ZNF875: variants seen among roughly 807,000 people sequenced by gnomAD.
The protein encoded by ZNF875 is zinc finger protein 875, also known as HKR1, GLI-Kruppel zinc finger family member.
ZNF875 carries 14 observed loss-of-function variants against 11.2 expected under a neutral mutation model. The observed-to-expected ratio is 1.26, with a 90% CI of 0.83 to 1.96. The LOEUF is 1.96. Ranked by LOEUF, ZNF875 falls within the 30% of genes most tolerant of loss-of-function variation. The probability of loss-of-function intolerance (pLI) is 0.00; values close to 1 mark genes in which losing one functional copy is unlikely to be tolerated. For missense variants in ZNF875, 752 were observed against 760.4 expected (o/e 0.99, Z 0.13); for synonymous variants, 301 against 281.1 (o/e 1.07, Z -0.71).
At position 37,362,408 on chromosome 19, in the gene ZNF875, C is replaced by G; in HGVS notation, c.556C>G (p.Pro186Ala). ...ALSSPPEEQQPAQSKEDNTVV... is the reference protein window; with the variant it reads ...ALSSPPEEQQAAQSKEDNTVV... Reference sequence around the variant, plus strand: ...TTCCAGCCCACCTGAAGAACAACAGCCAGCACAGTCCAAGGAAGACAACAC... The same window carrying G: ...TTCCAGCCCACCTGAAGAACAACAGGCAGCACAGTCCAAGGAAGACAACAC... The change falls in exon 5 of 5, where the codon CCA becomes GCA. Residue 186 changes from proline to alanine, a missense_variant. Physicochemically the swap from Pro to Ala is conservative, Grantham distance 27. Coordinates refer to ENST00000392153, the MANE Select transcript of ZNF875 (RefSeq NM_001353803.2). The G allele has an allele frequency of 6.2e-7, 1 of 1,614,138 alleles. No homozygotes were observed. Among genetic ancestry groups the G allele is most frequent in the South Asian group, 1.1e-5 (1 of 91,080 alleles).
intron 4 of ZNF875, chr19:37,358,054 T>C (rs1039319544): frequency 2.5e-5 from 10 of 397,706 alleles, no homozygotes; most frequent in Non-Finnish European, 3.5e-5. Flanking sequence ...GTTCCTTTGA[T>C]GCCTAGTTTG....
rs748535441 is a variant in ZNF875, at chr19:37,362,970, G to A, written c.1118G>A (p.Arg373His). ...CCTTATGTTTGCAGGGAATGTGGGC[G>A]TGGCTTTCGCCAGCATTCACACCTG... ...EKPYVCRECG[R>H]GFRQHSHLVR... Residue 373 changes from arginine to histidine, a missense_variant, in exon 5 of 5, where the codon CGT becomes CAT. Transcript: ENST00000392153. The A allele has an allele frequency of 1.9e-5, 30 of 1,614,006 alleles. No individual in the cohort carries two copies. The highest frequency in any genetic ancestry group is 4.5e-5 in the East Asian group (2 of 44,894).
intron 2 of ZNF875, 85 bp from the exon 3 acceptor site, chr19:37,347,105 C>G: frequency 6.3e-7 from 1 of 1,589,536 alleles, no homozygotes; most frequent in Non-Finnish European, 8.6e-7. Flanking sequence ...GCATGAACCA[C>G]CGGGCCTGGC....
chr19:37,336,180 T>TGAC (rs2034358199), intron 2 of ZNF875, among the ~76,000 whole-genome samples: 1 of 151,990 alleles, frequency 6.6e-6, no homozygotes, highest in African/African-American at 2.4e-5. Flanking sequence ...GTTTGTTAAG[T>TGAC]TGGAGATTGG....
intron 2 of ZNF875, chr19:37,344,830 G>A: frequency 8.9e-7 from 1 of 1,119,424 alleles, no homozygotes; most frequent in South Asian, 1.2e-5. Context: ...GCTCCTTCGT[G>A]GGAGATTTTC....
At chr19:37,321,825 T>C (rs1357001448) in intron 1 of ZNF875, among the ~76,000 whole-genome samples, 1 of 151,830 alleles carries the variant, frequency 6.6e-6, no homozygotes, top group Non-Finnish European at 1.5e-5. Flanking sequence ...AAGGGAGGAG[T>C]GGCAAGAAAT....
At chr19:37,353,111 TG>T (rs1476207193) in intron 4 of ZNF875, among the ~76,000 whole-genome samples, 1 of 152,110 alleles carries the variant, frequency 6.6e-6, no homozygotes, top group Non-Finnish European at 1.5e-5. Flanking sequence ...TGACCTCAAG[TG>T]ATCTGCCTGC....
At chr19:37,335,029 C>G (rs1568580822) in intron 1 of ZNF875, 140 bp from the exon 2 acceptor site, 2 of 566,088 alleles carry the variant, frequency 3.5e-6, no homozygotes, top group Non-Finnish European at 6.4e-6. Flanking sequence ...TCCTGGCCCC[C>G]CACTGGATGG....
intron 4 of ZNF875, among the ~76,000 whole-genome samples, chr19:37,353,404 C>T (rs10403613): frequency 0.21 from 31,590 of 152,044 alleles, 3,493 homozygotes; most frequent in South Asian, 0.31. Flanking sequence ...CCCAATACTA[C>T]AGTGTTAAAA....
Position 37,362,326 on chromosome 19 carries a change from A to T in ZNF875, c.474A>T (p.Gly158=). ...GCAAAGCAGAATGGATTCAAGAGGG[A>T]GAAGACTCCAGACTCCTGTTTGGGA... ...FSGKAEWIQE[G]EDSRLLFGRV... The change falls in exon 5 of 5, where the codon GGA becomes GGT. Residue 158 remains glycine, a synonymous_variant. Coordinates refer to ENST00000392153, the MANE Select transcript of ZNF875 (RefSeq NM_001353803.2). 4 of 1,614,094 alleles carry T rather than the reference A, an allele frequency of 2.5e-6. No individual in the cohort carries two copies. In the Admixed American group the frequency reaches 5.0e-5, roughly 20 times the overall value.
chr19:37,318,966 G>A (rs2030697075), intron 1 of ZNF875, among the ~76,000 whole-genome samples: 1 of 151,914 alleles, frequency 6.6e-6, no homozygotes, highest in East Asian at 1.9e-4. Context: ...TTTGGGGCAC[G>A]TATGTAGAGT....
At chr19:37,357,601 A>G (rs1216559008) in intron 4 of ZNF875, among the ~76,000 whole-genome samples, 1 of 152,074 alleles carries the variant, frequency 6.6e-6, no homozygotes, top group Middle Eastern at 3.2e-3. Flanking sequence ...TCGTGTGGCT[A>G]TTGTAAATGG....
rs386388968 is a variant in ZNF875, at chr19:37,340,644, C to CTTT, written c.33+5407_33+5409dup. Among the ~76,000 whole-genome samples the CTTT allele has an allele frequency of 7.1e-3, 740 of 104,684 alleles. 38 individuals carry two copies. Among genetic ancestry groups the CTTT allele is most frequent in the East Asian group, 0.047 (161 of 3,452 alleles). The allele number at this position is 104,684 out of a possible 152,430, so 68.7% of individuals were successfully genotyped here. ...CCACAGGGGAGTCATCTTATGTGTA[C>CTTT]TTTTTTTTTTTTTTTTTTTTTTGAG... On this transcript the variant is annotated intron_variant, in intron 2 of 4. Transcript: ENST00000392153.
intron 4 of ZNF875, among the ~76,000 whole-genome samples, chr19:37,353,460 G>A (rs552219705): frequency 1.3e-5 from 2 of 152,170 alleles, no homozygotes; most frequent in South Asian, 4.1e-4. Context: ...AGAAATTAAG[G>A]TAAATGTATG....
intron 4 of ZNF875, among the ~76,000 whole-genome samples, chr19:37,350,195 T>C (rs2037601980): frequency 7.5e-6 from 1 of 132,650 alleles, no homozygotes; most frequent in Non-Finnish European, 1.6e-5. Context: ...CACTGCAACC[T>C]CCGCCTATCA....
At position 37,363,555 on chromosome 19, in the gene ZNF875, G is replaced by T; in HGVS notation, c.1703G>T (p.Gly568Val). Reference sequence around the variant, plus strand: ...TTTGTGTGCAGGGAGTGTGGGCAAGGCTTTTGTGCTAAGTTAACTCTCATT... The same window carrying T: ...TTTGTGTGCAGGGAGTGTGGGCAAGTCTTTTGTGCTAAGTTAACTCTCATT... ...GAFVCRECGQ[G>V]FCAKLTLIKH... is the part of the protein sequence containing the mutation. Residue 568 changes from glycine (G) to valine (V), a missense_variant, in exon 5 of 5, where the codon GGC becomes GTC. Gly to Val is a moderately radical substitution (Grantham distance 109, BLOSUM62 -3). Coordinates refer to ENST00000392153, the MANE Select transcript of ZNF875 (RefSeq NM_001353803.2). 1 of 1,613,346 alleles carries T rather than the reference G, an allele frequency of 6.2e-7. No individual in the cohort carries two copies. Among genetic ancestry groups the T allele is most frequent in the South Asian group, 1.1e-5 (1 of 91,040 alleles).
At chr19:37,344,770 T>A in intron 2 of ZNF875, 1 of 1,539,578 alleles carries the variant, frequency 6.5e-7, no homozygotes, top group Non-Finnish European at 9.0e-7. Flanking sequence ...GCTGGAGGAA[T>A]AACGGTTGTA....
At chr19:37,331,225 T>C (rs958356499), upstream of ZNF875, among the ~76,000 whole-genome samples, 4 of 117,326 alleles carry the variant, frequency 3.4e-5, no homozygotes, top group African/African-American at 9.6e-5. Context: ...AGCTAATAAC[T>C]CCTTGCTTTT....
At chr19:37,344,602 T>C (rs1485198237) in intron 2 of ZNF875, 1 of 1,183,380 alleles carries the variant, frequency 8.5e-7, no homozygotes, top group East Asian at 2.3e-5. Flanking sequence ...CATATATTTA[T>C]TTTTCAGCTG....
Sources: allele counts gnomAD v4.1 joint callset (sites outside exome capture counted in the v4.1 genomes callset), GRCh38; gene constraint gnomAD v4.1.1; transcripts MANE v1.5; gene names NCBI Gene and HGNC (gene_info 2026-07-23, HGNC 2026-07-21).